HOOK1: variants seen among roughly 807,000 people sequenced by gnomAD.
HOOK1 encodes the protein hook microtubule tethering protein 1, also known as protein Hook homolog 1.
A neutral mutation model predicts 112.8 loss-of-function variants in HOOK1; 60 were observed. That is an observed-to-expected ratio of 0.53 (90% confidence interval 0.43 to 0.66). The LOEUF (loss-of-function observed/expected upper bound fraction) is 0.66, where lower values mean the gene tolerates loss of function less well. Ranked by LOEUF, HOOK1 falls within the 30% of genes least tolerant of loss-of-function variation. HOOK1 has a pLI of 0.00. For synonymous variants in HOOK1, 294 were observed against 283.8 expected (o/e 1.04, Z -0.36); for missense variants, 770 against 856.0 (o/e 0.90, Z 1.25).
chr1:59,840,397 G>A lies in HOOK1; in HGVS notation c.621+6G>A, dbSNP rs1165318857. ...GTGAAGAATTGGATATGCAGGTACG[G>A]GAAAAAACCCTGAGCTGAGAAAAAC... On this transcript the variant is annotated splice_donor_region_variant and intron_variant, in intron 8 of 21. Coordinates refer to ENST00000371208, the MANE Select transcript of HOOK1 (RefSeq NM_015888.6). 1 of 1,543,830 alleles carries A rather than the reference G, an allele frequency of 6.5e-7. No individual in the cohort carries two copies.
intron 10 of HOOK1, 76 bp from the exon 11 acceptor site, chr1:59,848,239 T>C: frequency 2.9e-6 from 3 of 1,032,218 alleles, no homozygotes; most frequent in Non-Finnish European, 4.3e-6. Context: ...GTTTGGAAGA[T>C]TCATTTTATA....
At chr1:59,816,190 A>T (rs1057231842) in intron 1 of HOOK1, among the ~76,000 whole-genome samples, 11 of 152,332 alleles carry the variant, frequency 7.2e-5, no homozygotes, top group Non-Finnish European at 2.9e-5. Flanking sequence ...GATCTAATGC[A>T]TCTAATTCCA....
chr1:59,828,608 G>A (rs1395398477), intron 2 of HOOK1, among the ~76,000 whole-genome samples, 172 bp from the exon 3 acceptor site: 3 of 152,090 alleles, frequency 2.0e-5, no homozygotes, highest in South Asian at 2.1e-4. Flanking sequence ...AATTGAAGGT[G>A]CAAATAACTT....
At chr1:59,841,806 C>G (rs182386992) in intron 8 of HOOK1, among the ~76,000 whole-genome samples, 1 of 152,122 alleles carries the variant, frequency 6.6e-6, no homozygotes, top group East Asian at 1.9e-4. Context: ...GTGTTTGTAA[C>G]AAATAATAAA....
chr1:59,869,427 A>G (rs1393072996), intron 20 of HOOK1, among the ~76,000 whole-genome samples: 1 of 152,108 alleles, frequency 6.6e-6, no homozygotes, highest in African/African-American at 2.4e-5. Context: ...CCTCACCTCA[A>G]GTGATCTGCT....
intron 14 of HOOK1, 21 bp from the exon 15 acceptor site, chr1:59,860,164 AAAG>A: frequency 6.5e-7 from 1 of 1,540,582 alleles, no homozygotes; most frequent in Non-Finnish European, 8.7e-7. Context: ...AAAAATTAAA[AAAG>A]ATTTTGCTTT....
chr1:59,838,093 T>G (rs550991184), intron 7 of HOOK1, among the ~76,000 whole-genome samples: 109 of 152,216 alleles, frequency 7.2e-4, no homozygotes, highest in Middle Eastern at 3.4e-3. Flanking sequence ...CCAGTCCATC[T>G]TTGATGGACA....
chr1:59,866,255 C>G (rs1344029635), intron 19 of HOOK1, among the ~76,000 whole-genome samples: 1 of 152,096 alleles, frequency 6.6e-6, no homozygotes, highest in African/African-American at 2.4e-5. Flanking sequence ...ATCTTTAGTT[C>G]TTGGCAAAAT....
intron 3 of HOOK1, among the ~76,000 whole-genome samples, chr1:59,831,559 T>C (rs2098394004): frequency 6.6e-6 from 1 of 152,198 alleles, no homozygotes; most frequent in Admixed American, 6.5e-5. Context: ...CAGAGCTTGC[T>C]CATTCCATAG....
intron 8 of HOOK1, among the ~76,000 whole-genome samples, chr1:59,843,097 G>A (rs1044045326): frequency 1.3e-4 from 20 of 151,730 alleles, no homozygotes; most frequent in Non-Finnish European, 4.4e-5. Flanking sequence ...ACCTAAAAGA[G>A]GAGACAAATT....
chr1:59,864,741 T>G (rs1643929355), intron 17 of HOOK1, 75 bp downstream of exon 17: 2 of 920,604 alleles, frequency 2.2e-6, no homozygotes, highest in East Asian at 5.1e-5. Context: ...AATCTCCTTT[T>G]CGGATTTTGT....
intron 19 of HOOK1, among the ~76,000 whole-genome samples, chr1:59,867,217 T>G (rs575963483): frequency 1.3e-5 from 2 of 152,312 alleles, no homozygotes; most frequent in South Asian, 4.1e-4. Flanking sequence ...AATATACAAA[T>G]CACAACCATT....
chr1:59,852,625 T>C (rs1190172442), intron 12 of HOOK1, among the ~76,000 whole-genome samples: 1 of 151,534 alleles, frequency 6.6e-6, no homozygotes, highest in East Asian at 1.9e-4. Flanking sequence ...ATTTGTTTTC[T>C]ATTCTCTATT....
intron 3 of HOOK1, among the ~76,000 whole-genome samples, chr1:59,830,042 T>G (rs2098392643): frequency 6.6e-6 from 1 of 152,128 alleles, no homozygotes; most frequent in Admixed American, 6.5e-5. Flanking sequence ...ATTTATTGGT[T>G]TCTAATAGAT....
chr1:59,844,313 T>A (rs746519776), intron 9 of HOOK1, among the ~76,000 whole-genome samples: 1 of 151,962 alleles, frequency 6.6e-6, no homozygotes, highest in Non-Finnish European at 1.5e-5. Context: ...ACATGTCTCT[T>A]TACCCCTGTA....
chr1:59,835,486 T>C, intron 6 of HOOK1, 74 bp downstream of exon 6: 2 of 851,178 alleles, frequency 2.3e-6, no homozygotes, highest in Admixed American at 5.0e-5. Context: ...ACTTTATGCT[T>C]TTCTTTTTTA....
Position 59,858,488 on chromosome 1 carries a change from G to T in HOOK1, c.1303G>T (p.Val435Leu). 1 of 1,612,720 alleles carries T rather than the reference G, an allele frequency of 6.2e-7. No homozygotes were observed. Among genetic ancestry groups the T allele is most frequent in the Non-Finnish European group, 8.5e-7 (1 of 1,178,790 alleles). Residue 435 changes from valine to leucine, a missense_variant, in exon 13 of 22, where the codon GTA (valine) becomes TTA (leucine). By Grantham distance (32) the Val-to-Leu change is conservative (BLOSUM62 1). Around this residue, in one of 3 missense-constraint regions of HOOK1, gnomAD observed 655 missense variants for 725.9 expected, o/e 0.90. Coordinates refer to ENST00000371208, the MANE Select transcript of HOOK1 (RefSeq NM_015888.6). Reference protein sequence around the residue: ...ETNEELRCSQVQQDHLNQTDA... With the variant: ...ETNEELRCSQLQQDHLNQTDA... ...AAATGAAGAGCTTCGATGTTCACAA[G>T]TACAACAGGACCACCTAAACCAAAC...
At chr1:59,871,661 A>G (rs1644056856) in intron 21 of HOOK1, among the ~76,000 whole-genome samples, 1 of 152,234 alleles carries the variant, frequency 6.6e-6, no homozygotes, top group Admixed American at 6.5e-5. Flanking sequence ...TAGTATCAGT[A>G]GGATATTTTC....
In HOOK1 at chr1:59,866,406, G is replaced by A. The variant is rs1643965704; in HGVS notation, c.1845+434G>A. 2.6e-5 allele frequency among the ~76,000 whole-genome samples: 4 copies of A among 152,264 alleles called. No homozygotes were observed. In the South Asian group the frequency reaches 8.3e-4, roughly 32 times the overall value. ...TTGAAATTGTTGTAGCATTTAGTTT[G>A]AGATTAGATAGTTAAACGCTTTTCA... On this transcript the variant is annotated intron_variant, in intron 19 of 21. Coordinates refer to ENST00000371208, the MANE Select transcript of HOOK1 (RefSeq NM_015888.6).
Sources: gnomAD v4.1 joint callset for allele counts (sites outside exome capture counted in the v4.1 genomes callset) on GRCh38, gnomAD v4.1.1 for gene constraint, gnomAD v4.1.1 regional missense constraint, MANE v1.5 for transcripts, NCBI Gene and HGNC (gene_info 2026-07-23, HGNC 2026-07-21) for gene names.